The following FKBP14 variants were observed in gnomAD, a reference collection of about 807,000 sequenced individuals.
FKBP14 encodes the protein peptidyl-prolyl cis-trans isomerase FKBP14.
Under a neutral mutation model 21.6 loss-of-function variants are expected in FKBP14, and 20 were observed. The observed-to-expected ratio is 0.92, with a 90% CI of 0.65 to 1.34. FKBP14 has a LOEUF of 1.34. Among genes scored for constraint, FKBP14 ranks in the 40% most tolerant of loss-of-function variants. The probability of loss-of-function intolerance (pLI) is 0.00; values close to 1 mark genes in which losing one functional copy is unlikely to be tolerated. For missense variants in FKBP14, 253 were observed against 249.0 expected, an observed-to-expected ratio of 1.02 and a Z score of -0.11; for synonymous variants, 79 against 86.7, an observed-to-expected ratio of 0.91 and a Z score of 0.49.
chr7:30,021,903 G>C (rs1790040323), intron 2 of FKBP14, among the ~76,000 whole-genome samples: 1 of 152,070 alleles, frequency 6.6e-6, no homozygotes, highest in Admixed American at 6.6e-5. Flanking sequence ...AAGTTGCAGG[G>C]GTTCTCACTT....
In FKBP14 at chr7:30,026,423, A is replaced by T; in HGVS notation, c.86T>A (p.Ile29Asn). 2 of 1,614,166 alleles carry T rather than the reference A, an allele frequency of 1.2e-6. No homozygotes were observed. Among genetic ancestry groups the T allele is most frequent in the African/African-American group, 1.3e-5 (1 of 75,048 alleles). Residue 29 changes from isoleucine (I) to asparagine (N), a missense_variant, in exon 1 of 4, where the codon ATT (isoleucine) becomes AAT (asparagine). Physicochemically the swap from Ile to Asn is moderately radical, Grantham distance 149 (BLOSUM62 -3). Transcript: ENST00000222803. The part of the protein sequence containing the change: ...GALIPEPEVK[I>N]EVLQKPFICH... Reference sequence around the variant, plus strand: ...GATGAATGGCTTCTGGAGAACTTCAATTTTCACTTCTGGTTCAGGGATCAA... The same window carrying T: ...GATGAATGGCTTCTGGAGAACTTCATTTTTCACTTCTGGTTCAGGGATCAA...
intron 3 of FKBP14, among the ~76,000 whole-genome samples, chr7:30,016,401 C>A (rs574045434): frequency 1.4e-5 from 2 of 147,112 alleles, no homozygotes; most frequent in South Asian, 4.3e-4. Context: ...TTTTGTTTTT[C>A]TTTTTTTTTT....
At chr7:30,008,382 GA>G (rs1789650155), downstream of FKBP14, 1 of 151,916 alleles carries the variant, frequency 6.6e-6, no homozygotes, top group African/African-American at 2.4e-5. Flanking sequence ...CCTAAGGTAA[GA>G]ATGTATTGAT....
intron 1 of FKBP14, among the ~76,000 whole-genome samples, chr7:30,024,020 T>C (rs1338023768): frequency 6.6e-6 from 1 of 152,148 alleles, no homozygotes; most frequent in Non-Finnish European, 1.5e-5. Flanking sequence ...AAAACCAACC[T>C]GCCGAACTAC....
In FKBP14 at chr7:30,012,342, T is replaced by A. The variant is rs1293087207; in HGVS notation, c.*2393A>T. ...GTTTTTAAAAATGCTGCCTGAATAA[T>A]CAAAACTCTTTTTACTTTTCTTGCC... is the stretch of plus-strand genomic sequence containing the variant. On this transcript the variant is annotated 3_prime_UTR_variant, in exon 4 of 4. Coordinates refer to ENST00000222803, the MANE Select transcript of FKBP14 (RefSeq NM_017946.4). 2 of 152,254 alleles carry A rather than the reference T, an allele frequency of 1.3e-5. No homozygotes were observed. The highest frequency in any genetic ancestry group is 4.8e-5 in the African/African-American group (2 of 41,470). The allele number at this position is 152,254 out of a possible 1,614,324, so 9.4% of individuals were successfully genotyped here. A position where few individuals can be genotyped will look rare whatever the true frequency, so the allele number is the denominator to read the frequency against.
chr7:30,014,420 CAT>C lies in FKBP14; in HGVS notation c.*313_*314del, dbSNP rs764772361. 1.4e-4 allele frequency: 25 copies of C among 173,610 alleles called. No individual in the cohort carries two copies. Among genetic ancestry groups the C allele is most frequent in the Non-Finnish European group, 2.3e-4 (19 of 82,574 alleles). The allele number at this position is 173,610 out of a possible 1,614,324, so 10.8% of individuals were successfully genotyped here. ...GCTAATTTGTGCTATAACCTGGTCT[CAT>C]GTCGTGGTATATTCCCAGTTGCAAC... On this transcript the variant is annotated 3_prime_UTR_variant, in exon 4 of 4. Coordinates refer to ENST00000222803, the MANE Select transcript of FKBP14 (RefSeq NM_017946.4).
downstream of FKBP14, among the ~76,000 whole-genome samples, chr7:30,009,666 T>G (rs757442042): frequency 2.3e-4 from 35 of 151,806 alleles, no homozygotes; most frequent in African/African-American, 5.1e-4. Context: ...TGGGGAGAGA[T>G]AGCATGCTGA....
At chr7:30,015,496 T>G (rs1562836275) in intron 3 of FKBP14, among the ~76,000 whole-genome samples, 1 of 151,566 alleles carries the variant, frequency 6.6e-6, no homozygotes, top group African/African-American at 2.4e-5. Flanking sequence ...AAGGCAGAGA[T>G]AAAGCTTATG....
chr7:30,017,198 G>C (rs1169990887), intron 3 of FKBP14, among the ~76,000 whole-genome samples: 1 of 151,062 alleles, frequency 6.6e-6, no homozygotes, highest in African/African-American at 2.4e-5. Context: ...CAGAAAGAAA[G>C]AAAAAAGTAA....
At position 30,014,604 on chromosome 7, in the gene FKBP14, T is replaced by C. The variant is rs1789829782; in HGVS notation, c.*131A>G. On this transcript the variant is annotated 3_prime_UTR_variant, in exon 4 of 4. Coordinates refer to ENST00000222803, the MANE Select transcript of FKBP14 (RefSeq NM_017946.4). Reference sequence around the variant, plus strand: ...TTAGAAACCTAAGGGGTTCTTTAAATAGGAGTCAGAAAAAATATATAAAAA... The same window carrying C: ...TTAGAAACCTAAGGGGTTCTTTAAACAGGAGTCAGAAAAAATATATAAAAA... The C allele has an allele frequency of 1.8e-6, 1 of 565,818 alleles. No individual in the cohort carries two copies. Among genetic ancestry groups the C allele is most frequent in the Non-Finnish European group, 2.7e-6 (1 of 376,198 alleles). The allele number at this position is 565,818 out of a possible 1,614,324, so 35.0% of individuals were successfully genotyped here.
chr7:30,026,214 G>A (rs1790166582), intron 1 of FKBP14, 98 bp downstream of exon 1: 1 of 1,186,738 alleles, frequency 8.4e-7, no homozygotes, highest in Non-Finnish European at 1.2e-6. Flanking sequence ...TTTTGTAAAA[G>A]AGGCAAAACC....
At chr7:30,016,071 T>G (rs1789876925) in intron 3 of FKBP14, among the ~76,000 whole-genome samples, 1 of 152,090 alleles carries the variant, frequency 6.6e-6, no homozygotes, top group Non-Finnish European at 1.5e-5. Context: ...CTACCACATC[T>G]GGCTTTTATA....
intron 2 of FKBP14, among the ~76,000 whole-genome samples, chr7:30,021,187 A>G (rs10282327): frequency 0.056 from 8,459 of 152,290 alleles, 357 homozygotes; most frequent in Middle Eastern, 0.082. Context: ...AATAAATATG[A>G]TTCCCAGTAT....
At position 30,026,681 on chromosome 7, in the gene FKBP14, A is replaced by T. The variant is rs973660270; in HGVS notation, c.-173T>A. 1 of 584,070 alleles carries T rather than the reference A, an allele frequency of 1.7e-6. No homozygotes were observed. The highest frequency in any genetic ancestry group is 2.9e-6 in the Non-Finnish European group (1 of 341,682). The allele number at this position is 584,070 out of a possible 1,614,324, so 36.2% of individuals were successfully genotyped here. ...CCAACTCTTTTCTCAAGGGTCACGA[A>T]CCTACCTTTAAAGAGTTAAGCCCAA... is the stretch of plus-strand genomic sequence containing the variant. On this transcript the variant is annotated 5_prime_UTR_variant, in exon 1 of 4. Transcript: ENST00000222803.
At chr7:30,016,309 T>C (rs1373505917) in intron 3 of FKBP14, among the ~76,000 whole-genome samples, 1 of 152,222 alleles carries the variant, frequency 6.6e-6, no homozygotes, top group Non-Finnish European at 1.5e-5. Context: ...TGTGATTAGA[T>C]TGAGTCTAAT....
At chr7:30,025,551 G>A (rs1790151725) in intron 1 of FKBP14, 2 of 152,190 alleles carry the variant, frequency 1.3e-5, no homozygotes, top group Non-Finnish European at 2.9e-5. Flanking sequence ...CCCAGAACAT[G>A]GCTTAACATC....
chr7:30,026,542 G>C lies in FKBP14; in HGVS notation c.-34C>G. On this transcript the variant is annotated 5_prime_UTR_variant, in exon 1 of 4. Coordinates refer to ENST00000222803, the MANE Select transcript of FKBP14 (RefSeq NM_017946.4). ...AGCAAGGAAAGAAGTCCCTACAAAAGCAGCGAAAGGTCCCTCGACTTCATA... is the reference window on the plus strand; with the variant it reads ...AGCAAGGAAAGAAGTCCCTACAAAACCAGCGAAAGGTCCCTCGACTTCATA... 1.9e-6 allele frequency: 3 copies of C among 1,574,422 alleles called. No individual in the cohort carries two copies. The South Asian group carries it at 3.4e-5, about 18-fold the overall frequency.
intron 3 of FKBP14, among the ~76,000 whole-genome samples, chr7:30,016,619 C>T (rs1789892531): frequency 6.6e-6 from 1 of 152,110 alleles, no homozygotes; most frequent in Non-Finnish European, 1.5e-5. Context: ...GCCTCGAACT[C>T]CTGACCTCAG....
rs897911716 is a variant in FKBP14, at chr7:30,010,628, T to C, written c.*4107A>G. ...CTTTATTTTGAAAAGAATATCACAATATAGTCATGTAAATTTAAATATGGC... is the reference window on the plus strand; with the variant it reads ...CTTTATTTTGAAAAGAATATCACAACATAGTCATGTAAATTTAAATATGGC... On this transcript the variant is annotated 3_prime_UTR_variant, in exon 4 of 4. Transcript: ENST00000222803. 1 of 148,286 alleles carries C rather than the reference T, an allele frequency of 6.7e-6. No homozygotes were observed. The highest frequency in any genetic ancestry group is 2.4e-5 in the African/African-American group (1 of 41,128). 9.2% of individuals were successfully genotyped at this position (148,286 alleles called of 1,614,324 possible). A position where few individuals can be genotyped will look rare whatever the true frequency, so the allele number is the denominator to read the frequency against.
Sources: gnomAD v4.1 joint callset for allele counts (sites outside exome capture counted in the v4.1 genomes callset) on GRCh38, gnomAD v4.1.1 for gene constraint, MANE v1.5 for transcripts, NCBI Gene and HGNC (gene_info 2026-07-23, HGNC 2026-07-21) for gene names.